Variants in MARCHF1 observed in about 807,000 individuals in gnomAD.
MARCHF1 encodes E3 ubiquitin-protein ligase MARCHF1.
A neutral mutation model predicts 54.2 loss-of-function variants in MARCHF1; 40 were observed. The observed-to-expected ratio is 0.74, with a 90% CI of 0.57 to 0.96. The LOEUF is 0.96. MARCHF1 is among the 40% of genes least tolerant of loss of function. The probability of loss-of-function intolerance (pLI) is 0.00; values close to 1 mark genes in which losing one functional copy is unlikely to be tolerated. For synonymous variants in MARCHF1, 236 were observed against 236.3 expected, an observed-to-expected ratio of 1.00 and a Z score of 0.01; for missense variants, 586 against 656.5, an observed-to-expected ratio of 0.89 and a Z score of 1.17.
chr4:163,684,394 A>G (rs1452718325), intron 5 of MARCHF1, among the ~76,000 whole-genome samples: 1 of 152,208 alleles, frequency 6.6e-6, no homozygotes, highest in Non-Finnish European at 1.5e-5. Context: ...CAAAACAAAC[A>G]TACAAACAAA....
intron 2 of MARCHF1, among the ~76,000 whole-genome samples, chr4:164,073,502 G>C (rs866483611): frequency 2.0e-5 from 3 of 152,010 alleles, no homozygotes; most frequent in Non-Finnish European, 2.9e-5. Flanking sequence ...GTCAGGGAGT[G>C]GGGGGCAGGG....
intron 2 of MARCHF1, among the ~76,000 whole-genome samples, chr4:164,009,305 ACAAGTCTCT>A (rs1753366058): frequency 6.6e-6 from 1 of 152,156 alleles, no homozygotes; most frequent in Non-Finnish European, 1.5e-5. Context: ...AGCCATAATA[ACAAGTCTCT>A]CATTAAATAA....
At chr4:164,190,270 A>AACTCTATGGAAGTGCAAGCCCTCTCCC in intron 1 of MARCHF1, 1 of 971,226 alleles carries the variant, frequency 1.0e-6, no homozygotes, top group Non-Finnish European at 1.6e-6. Flanking sequence ...CTTATCAGCA[A>AACTCTATGGAAGTGCAAGCCCTCTCCC]ACTCTATGGA....
At chr4:163,784,639 A>G (rs888501064) in intron 4 of MARCHF1, among the ~76,000 whole-genome samples, 2 of 152,114 alleles carry the variant, frequency 1.3e-5, no homozygotes, top group Non-Finnish European at 2.9e-5. Context: ...CATATATAAT[A>G]TGATAATTCA....
chr4:164,296,257 A>C (rs1734409057), intron 1 of MARCHF1, among the ~76,000 whole-genome samples: 1 of 152,242 alleles, frequency 6.6e-6, no homozygotes, highest in East Asian at 1.9e-4. Context: ...TGGCTTTGTG[A>C]AGATGAGTCA....
chr4:164,325,978 A>G (rs182759396), intron 1 of MARCHF1, among the ~76,000 whole-genome samples: 33 of 152,300 alleles, frequency 2.2e-4, no homozygotes, highest in African/African-American at 7.9e-4. Context: ...GCAGTTCACT[A>G]TTGTACATTT....
At chr4:164,012,920 G>A (rs191680307) in intron 2 of MARCHF1, among the ~76,000 whole-genome samples, 2 of 152,230 alleles carry the variant, frequency 1.3e-5, no homozygotes, top group Admixed American at 1.3e-4. Context: ...CCTCTCAAGG[G>A]TGCATATAAA....
chr4:163,998,100 T>C (rs1013103755), intron 2 of MARCHF1, among the ~76,000 whole-genome samples: 2 of 150,922 alleles, frequency 1.3e-5, no homozygotes, highest in African/African-American at 2.4e-5. Context: ...GGGCATAAAA[T>C]AAATTATAAA....
intron 1 of MARCHF1, among the ~76,000 whole-genome samples, chr4:164,284,148 C>G (rs768738826): frequency 3.3e-5 from 5 of 151,014 alleles, no homozygotes; most frequent in Non-Finnish European, 7.4e-5. Context: ...CTATTCAAAT[C>G]ACTTAATGGG....
At chr4:163,621,301 A>G (rs1244694115) in intron 5 of MARCHF1, among the ~76,000 whole-genome samples, 1 of 152,148 alleles carries the variant, frequency 6.6e-6, no homozygotes, top group African/African-American at 2.4e-5. Flanking sequence ...TAAAAATAAG[A>G]ATTGCTGGGA....
chr4:163,788,182 A>G (rs1278825695), intron 4 of MARCHF1, among the ~76,000 whole-genome samples: 1 of 151,530 alleles, frequency 6.6e-6, no homozygotes, highest in Non-Finnish European at 1.5e-5. Flanking sequence ...TGAGCTGTAC[A>G]TTAAAAAATG....
At chr4:163,717,062 T>C (rs925379390) in intron 4 of MARCHF1, among the ~76,000 whole-genome samples, 13 of 152,034 alleles carry the variant, frequency 8.6e-5, no homozygotes, top group African/African-American at 2.4e-4. Context: ...TTGTTACATA[T>C]GTATACATGT....
chr4:163,559,541 G>A (rs978790987), intron 8 of MARCHF1, among the ~76,000 whole-genome samples: 10 of 152,112 alleles, frequency 6.6e-5, no homozygotes, highest in African/African-American at 2.4e-4. Flanking sequence ...GTAAGAACTC[G>A]GAGAAGAGAT....
At chr4:163,828,170 T>C (rs928457991) in intron 4 of MARCHF1, among the ~76,000 whole-genome samples, 1 of 152,180 alleles carries the variant, frequency 6.6e-6, no homozygotes, top group Non-Finnish European at 1.5e-5. Context: ...CTCTTCACTT[T>C]ATAGAAGTAT....
chr4:163,571,751 T>G (rs539085766), intron 8 of MARCHF1, among the ~76,000 whole-genome samples: 1 of 152,068 alleles, frequency 6.6e-6, no homozygotes, highest in African/African-American at 2.4e-5. Flanking sequence ...TACACTGGGG[T>G]TTTTTGTTTG....
intron 4 of MARCHF1, among the ~76,000 whole-genome samples, chr4:163,825,341 C>T (rs1748818706): frequency 6.6e-6 from 1 of 151,980 alleles, no homozygotes; most frequent in Non-Finnish European, 1.5e-5. Flanking sequence ...ACCAGTCTAA[C>T]ATTGATGGGC....
chr4:163,627,144 T>G (rs576557066), intron 5 of MARCHF1, among the ~76,000 whole-genome samples: 1 of 152,228 alleles, frequency 6.6e-6, no homozygotes, highest in Non-Finnish European at 1.5e-5. Context: ...TATACTATTA[T>G]CTCATTTATA....
intron 3 of MARCHF1, among the ~76,000 whole-genome samples, chr4:163,886,042 T>A (rs1248430311): frequency 6.7e-6 from 1 of 148,476 alleles, no homozygotes; most frequent in Admixed American, 6.7e-5. Flanking sequence ...TAGCCTGGTA[T>A]GATAGTGTGC....
intron 1 of MARCHF1, among the ~76,000 whole-genome samples, chr4:164,119,347 T>C (rs1158222214): frequency 6.6e-6 from 1 of 151,206 alleles, no homozygotes; most frequent in Non-Finnish European, 1.5e-5. Context: ...TATAGGATTA[T>C]ATAGTATAAG....
Sources: allele counts gnomAD v4.1 joint callset (sites outside exome capture counted in the v4.1 genomes callset), GRCh38; gene constraint gnomAD v4.1.1; transcripts MANE v1.5; gene names NCBI Gene and HGNC (gene_info 2026-07-23, HGNC 2026-07-21).